The following SNX13 variants were observed in gnomAD, a reference collection of about 807,000 sequenced individuals.
The protein encoded by SNX13 is sorting nexin-13.
SNX13 carries 45 observed loss-of-function variants against 133.6 expected under a neutral mutation model. The observed-to-expected ratio is 0.34, with a 90% CI of 0.27 to 0.43. The LOEUF is 0.43. Among genes scored for constraint, SNX13 ranks in the 20% least tolerant of loss-of-function variants. The pLI, the probability that SNX13 is intolerant of heterozygous loss-of-function variation, is 1.00. For synonymous variants in SNX13, 414 were observed against 373.9 expected (o/e 1.11, Z -1.24); for missense variants, 1,032 against 1,145.1 (o/e 0.90, Z 1.43).
chr7:17,902,752 C>A (rs1797971718), intron 1 of SNX13, among the ~76,000 whole-genome samples: 1 of 152,150 alleles, frequency 6.6e-6, no homozygotes, highest in Non-Finnish European at 1.5e-5. Flanking sequence ...GAGTCCCCAA[C>A]CCCCAGGCTG....
chr7:17,933,592 G>A (rs1325846583), intron 1 of SNX13, among the ~76,000 whole-genome samples: 1 of 150,238 alleles, frequency 6.7e-6, no homozygotes, highest in African/African-American at 2.4e-5. Flanking sequence ...CATTGAAATC[G>A]GTTTACCAAC....
chr7:17,898,064 A>G lies in SNX13; in HGVS notation c.13-618T>C, dbSNP rs1259108126. Among the ~76,000 whole-genome samples, 3 of 152,052 alleles carry G rather than the reference A, an allele frequency of 2.0e-5. No homozygotes were observed. In the East Asian group the frequency reaches 5.8e-4, roughly 29 times the overall value. ...TGAGCTCAACAAAACATCACCAAAA[A>G]GTATCCATACATTAAAAAAAAAACC... On this transcript the variant is annotated intron_variant, in intron 1 of 25. Coordinates refer to ENST00000428135, the MANE Select transcript of SNX13 (RefSeq NM_015132.5).
chr7:17,921,727 G>C (rs1277080378), intron 1 of SNX13, among the ~76,000 whole-genome samples: 1 of 152,186 alleles, frequency 6.6e-6, no homozygotes, highest in Non-Finnish European at 1.5e-5. Flanking sequence ...AAAATAGCTA[G>C]GTATGTGAGC....
At position 17,816,135 on chromosome 7, in the gene SNX13, T is replaced by C. The variant is rs746384253; in HGVS notation, c.1953+47A>G. ...AAATGAAAAACATTCTACACCTGTG[T>C]GCTATATTAAATGAAAATCTGTGGA... On this transcript the variant is annotated intron_variant, in intron 19 of 25. Coordinates refer to ENST00000428135, the MANE Select transcript of SNX13 (RefSeq NM_015132.5). 14 of 1,488,786 alleles carry C rather than the reference T, an allele frequency of 9.4e-6. No homozygotes were observed. In the South Asian group the frequency reaches 1.3e-4, roughly 14 times the overall value. 92.2% of individuals were successfully genotyped at this position (1,488,786 alleles called of 1,614,324 possible).
At chr7:17,903,033 T>A (rs993550806) in intron 1 of SNX13, among the ~76,000 whole-genome samples, 4 of 151,940 alleles carry the variant, frequency 2.6e-5, no homozygotes, top group Admixed American at 1.3e-4. Context: ...AAACTGGGGG[T>A]CCCTGGTGCC....
At chr7:17,835,100 T>C (rs2128312379) in intron 13 of SNX13, among the ~76,000 whole-genome samples, 1 of 151,986 alleles carries the variant, frequency 6.6e-6, no homozygotes, top group Middle Eastern at 3.4e-3. Context: ...ATCTCAACTT[T>C]TGCCTAGCAA....
At chr7:17,843,732 A>G (rs1365532182) in intron 12 of SNX13, among the ~76,000 whole-genome samples, 1 of 152,056 alleles carries the variant, frequency 6.6e-6, no homozygotes, top group Admixed American at 6.6e-5. Context: ...TCCAACTACA[A>G]TGGGATAAAA....
intron 18 of SNX13, among the ~76,000 whole-genome samples, chr7:17,821,219 G>A (rs952559782): frequency 6.6e-6 from 1 of 152,070 alleles, no homozygotes; most frequent in Non-Finnish European, 1.5e-5. Flanking sequence ...ACTTTGAAAA[G>A]CACAATACAC....
chr7:17,803,955 G>C (rs947941062), intron 20 of SNX13, among the ~76,000 whole-genome samples: 2 of 151,530 alleles, frequency 1.3e-5, no homozygotes, highest in African/African-American at 4.9e-5. Flanking sequence ...TACTGGGGAA[G>C]GTGAGGCAAG....
At chr7:17,839,343 TG>T (rs1789586113) in intron 13 of SNX13, among the ~76,000 whole-genome samples, 1 of 151,526 alleles carries the variant, frequency 6.6e-6, no homozygotes. Flanking sequence ...TTATTGAAAG[TG>T]GGGTATTGAA....
intron 11 of SNX13, among the ~76,000 whole-genome samples, chr7:17,849,959 T>C (rs756598932): frequency 6.6e-5 from 10 of 152,342 alleles, no homozygotes; most frequent in Non-Finnish European, 8.8e-5. Context: ...ATTTGCTTAT[T>C]GGTTTATTTC....
intron 5 of SNX13, among the ~76,000 whole-genome samples, chr7:17,877,713 TTATC>T (rs1440048534): frequency 6.9e-6 from 1 of 144,450 alleles, no homozygotes; most frequent in Non-Finnish European, 1.5e-5. Context: ...ACGAATAAAA[TTATC>T]AAGCAATGCA....
chr7:17,824,609 G>A (rs1787665546), intron 17 of SNX13, among the ~76,000 whole-genome samples: 1 of 151,672 alleles, frequency 6.6e-6, no homozygotes, highest in Non-Finnish European at 1.5e-5. Flanking sequence ...GGTTCACCCA[G>A]CTATTTTTTT....
intron 3 of SNX13, among the ~76,000 whole-genome samples, chr7:17,892,492 A>C (rs574091514): frequency 8.9e-4 from 135 of 151,710 alleles, no homozygotes; most frequent in South Asian, 2.3e-3. Context: ...ATTTCCTAAG[A>C]CTTATAAGTA....
intron 16 of SNX13, among the ~76,000 whole-genome samples, chr7:17,826,319 ATATAT>A (rs1480515958): frequency 6.6e-6 from 1 of 152,026 alleles, no homozygotes. Context: ...AATAAACTTA[ATATAT>A]TAGATTATTT....
intron 1 of SNX13, among the ~76,000 whole-genome samples, chr7:17,913,760 C>CAAA (rs71010278): frequency 5.1e-3 from 276 of 53,858 alleles, no homozygotes; most frequent in African/African-American, 0.01. Flanking sequence ...TTAACAAAAA[C>CAAA]AAAAAAAAAA....
At chr7:17,827,969 A>T (rs921127960) in intron 16 of SNX13, among the ~76,000 whole-genome samples, 7 of 151,862 alleles carry the variant, frequency 4.6e-5, no homozygotes, top group African/African-American at 1.4e-4. Context: ...CTATTTTTTT[A>T]AAAAAGCATT....
In SNX13 at chr7:17,834,830, T is replaced by C; in HGVS notation, c.1395A>G (p.Val465=). ...SPRVTVDDYL[V]AKLADTLNHE... ...GATTCAAAGTATCTGCTAATTTTGC[T>C]ACTAAATAGTCATCAACAGTAACTC... The change falls in exon 14 of 26, where the codon GTA becomes GTG. Residue 465 remains valine, a synonymous_variant. Transcript: ENST00000428135. 3.1e-6 allele frequency: 5 copies of C among 1,609,656 alleles called. No individual in the cohort carries two copies. The highest frequency in any genetic ancestry group is 4.2e-6 in the Non-Finnish European group (5 of 1,177,164).
intron 2 of SNX13, among the ~76,000 whole-genome samples, chr7:17,894,600 T>C (rs1257678748): frequency 1.3e-5 from 2 of 152,288 alleles, no homozygotes; most frequent in African/African-American, 2.4e-5. Context: ...TCAAGGAAGA[T>C]AAATGGTGAT....
Sources: allele counts gnomAD v4.1 joint callset (sites outside exome capture counted in the v4.1 genomes callset), GRCh38; gene constraint gnomAD v4.1.1; transcripts MANE v1.5; gene names NCBI Gene and HGNC (gene_info 2026-07-23, HGNC 2026-07-21).